Variants in ANK2 observed in about 807,000 individuals in gnomAD.
ANK2 encodes the protein ankyrin 2, also known as ankyrin-2.
Under a neutral mutation model 360.5 loss-of-function variants are expected in ANK2, and 83 were observed. The observed-to-expected ratio is 0.23, with a 90% CI of 0.19 to 0.28. ANK2 has a LOEUF of 0.28. Ranked by LOEUF, ANK2 falls within the 10% of genes least tolerant of loss-of-function variation. The pLI, the probability that ANK2 is intolerant of heterozygous loss-of-function variation, is 1.00. For missense variants in ANK2, 4,201 were observed against 4,795.7 expected, an observed-to-expected ratio of 0.88 and a Z score of 3.66; for synonymous variants, 1,740 against 1,759.5, an observed-to-expected ratio of 0.99 and a Z score of 0.28.
chr4:112,879,912 A>G (rs182959793), intron 1 of ANK2, among the ~76,000 whole-genome samples: 391 of 152,226 alleles, frequency 2.6e-3, no homozygotes, highest in African/African-American at 8.3e-3. Context: ...ACTTCCATCA[A>G]TGGTCTGACA....
chr4:113,094,974 T>C lies in ANK2; in HGVS notation c.84+45162T>C, dbSNP rs142089938. Among the ~76,000 whole-genome samples, 760 of 152,336 alleles carry C rather than the reference T, an allele frequency of 5.0e-3. 2 individuals are homozygous for C. Among genetic ancestry groups the C allele is most frequent in the Middle Eastern group, 0.017 (5 of 294 alleles). On this transcript the variant is annotated intron_variant, in intron 1 of 45. Coordinates refer to ENST00000357077, the MANE Select transcript of ANK2 (RefSeq NM_001148.6). ...GGCCTCCAGTGGTGTCTTTGAAGAATAGCATCACTGGGAAAGTCAAAGCAA... is the reference window on the plus strand; with the variant it reads ...GGCCTCCAGTGGTGTCTTTGAAGAACAGCATCACTGGGAAAGTCAAAGCAA...
intron 1 of ANK2, among the ~76,000 whole-genome samples, chr4:113,117,953 AT>A (rs1240138238): frequency 1.3e-5 from 2 of 152,176 alleles, no homozygotes; most frequent in Non-Finnish European, 2.9e-5. Context: ...CACTAAGAAT[AT>A]TGGTGCAGTG....
At chr4:113,259,690 A>G (rs913676372) in intron 13 of ANK2, among the ~76,000 whole-genome samples, 8 of 152,048 alleles carry the variant, frequency 5.3e-5, no homozygotes, top group Non-Finnish European at 8.8e-5. Context: ...TATTTACTCC[A>G]TTAGACATGA....
In ANK2 at chr4:113,357,377, A is replaced by G. The variant is rs781185140; in HGVS notation, c.8759A>G (p.Tyr2920Cys). ...GACCTAGCTGAGAATGATGAAATCT[A>G]TGATCCACAAATCACTAGCCCTTAT... ...VSDLAENDEI[Y>C]DPQITSPYEN... Residue 2920 changes from tyrosine to cysteine, a missense_variant, in exon 38 of 46, where the codon TAT becomes TGT. By Grantham distance (194) the Tyr-to-Cys change is radical. Coordinates refer to ENST00000357077, the MANE Select transcript of ANK2 (RefSeq NM_001148.6). 5.0e-6 allele frequency: 8 copies of G among 1,613,972 alleles called. No homozygotes were observed. The highest frequency in any genetic ancestry group is 4.5e-5 in the East Asian group (2 of 44,892).
chr4:112,851,116 T>G (rs1381693856), intron 1 of ANK2, among the ~76,000 whole-genome samples: 1 of 152,156 alleles, frequency 6.6e-6, no homozygotes, highest in Non-Finnish European at 1.5e-5. Context: ...AAATGCTGTC[T>G]TCATTAATAA....
chr4:112,999,020 A>G (rs1329345223), intron 2 of ANK2, among the ~76,000 whole-genome samples: 2 of 152,328 alleles, frequency 1.3e-5, no homozygotes, highest in East Asian at 1.9e-4. Flanking sequence ...CCTTGTCTCC[A>G]TACTTGTATA....
chr4:112,941,460 T>C (rs1262835298), intron 2 of ANK2, among the ~76,000 whole-genome samples: 1 of 144,004 alleles, frequency 6.9e-6, no homozygotes, highest in African/African-American at 2.5e-5. Flanking sequence ...CTTTTATAAA[T>C]ATATCTTTAT....
the ANK2 span, among the ~76,000 whole-genome samples, chr4:112,709,676 G>A: frequency 2.0e-5 from 3 of 152,192 alleles, no homozygotes. Flanking sequence ...TTGAACCCAG[G>A]AGGCGGAGGT....
At chr4:113,287,230 T>C (rs906816927) in intron 18 of ANK2, among the ~76,000 whole-genome samples, 2 of 152,204 alleles carry the variant, frequency 1.3e-5, no homozygotes, top group Non-Finnish European at 2.9e-5. Flanking sequence ...ATAAAATAGG[T>C]GTAATAGTTG....
intron 1 of ANK2, among the ~76,000 whole-genome samples, chr4:113,148,742 G>A (rs977844049): frequency 2.0e-5 from 3 of 152,148 alleles, no homozygotes; most frequent in South Asian, 2.1e-4. Flanking sequence ...GCATTTATAT[G>A]GGGGGATGAG....
chr4:113,235,902 C>T (rs544000887), intron 5 of ANK2, among the ~76,000 whole-genome samples: 6 of 151,836 alleles, frequency 4.0e-5, no homozygotes, highest in African/African-American at 7.2e-5. Flanking sequence ...CCACCACGCC[C>T]GGCTAATTTT....
At chr4:113,130,604 A>G (rs914618678) in intron 1 of ANK2, among the ~76,000 whole-genome samples, 3 of 152,264 alleles carry the variant, frequency 2.0e-5, no homozygotes, top group Middle Eastern at 3.4e-3. Flanking sequence ...CCCTAAGCCC[A>G]TGTACTTTGA....
intron 36 of ANK2, among the ~76,000 whole-genome samples, chr4:113,349,586 T>C (rs1309095765): frequency 6.6e-6 from 1 of 152,134 alleles, no homozygotes; most frequent in East Asian, 1.9e-4. Flanking sequence ...AGTCATTCTT[T>C]CCCTCAACTG....
intron 2 of ANK2, among the ~76,000 whole-genome samples, chr4:113,029,689 G>A (rs2059996579): frequency 6.6e-6 from 1 of 152,002 alleles, no homozygotes; most frequent in African/African-American, 2.4e-5. Flanking sequence ...TATACCCACA[G>A]AGAGAGCCCG....
chr4:113,086,623 A>AAAGC (rs369560328), intron 1 of ANK2, among the ~76,000 whole-genome samples: 2 of 152,192 alleles, frequency 1.3e-5, no homozygotes, highest in Non-Finnish European at 2.9e-5. Flanking sequence ...CAAGTGGCAA[A>AAAGC]AAGCAAGCAA....
the ANK2 span, among the ~76,000 whole-genome samples, chr4:112,767,707 A>G: frequency 6.6e-6 from 1 of 152,074 alleles, no homozygotes; most frequent in Non-Finnish European, 1.5e-5. Flanking sequence ...CTCTGAATAT[A>G]TGTTATGAGT....
At chr4:112,743,595 T>G in the ANK2 span, among the ~76,000 whole-genome samples, 1 of 137,254 alleles carries the variant, frequency 7.3e-6, no homozygotes, top group African/African-American at 2.7e-5. Context: ...TCACTTTTAC[T>G]GCCCTGGCAC....
intron 1 of ANK2, among the ~76,000 whole-genome samples, chr4:113,132,962 C>G (rs772289694): frequency 1.3e-5 from 2 of 152,146 alleles, no homozygotes; most frequent in African/African-American, 4.8e-5. Context: ...ACTTACAAAC[C>G]TCTTCATGGC....
chr4:112,774,453 G>A, the ANK2 span, among the ~76,000 whole-genome samples: 14 of 152,130 alleles, frequency 9.2e-5, no homozygotes, highest in Admixed American at 7.8e-4. Flanking sequence ...GTGAACCCGC[G>A]TGGCAGAGCT....
Sources: allele counts gnomAD v4.1 joint callset (sites outside exome capture counted in the v4.1 genomes callset), GRCh38; gene constraint gnomAD v4.1.1; transcripts MANE v1.5; gene names NCBI Gene and HGNC (gene_info 2026-07-23, HGNC 2026-07-21).